Variants in JAM2 observed in about 807,000 individuals in gnomAD.
JAM2 encodes the protein junctional adhesion molecule 2.
In JAM2, 17 loss-of-function variants were observed where a neutral mutation model predicts 42.0. That is an observed-to-expected ratio of 0.40 (90% CI 0.28 to 0.61). The LOEUF (loss-of-function observed/expected upper bound fraction) is 0.61. JAM2 is among the 20% of genes least tolerant of loss of function. The probability of loss-of-function intolerance (pLI) is 0.37; values close to 1 mark genes in which losing one functional copy is unlikely to be tolerated. For missense variants in JAM2, 319 were observed against 358.3 expected (o/e 0.89, Z 0.89); for synonymous variants, 118 against 128.6 (o/e 0.92, Z 0.56).
At chr21:25,654,387 G>A (rs1233728908) in intron 1 of JAM2, among the ~76,000 whole-genome samples, 1 of 152,066 alleles carries the variant, frequency 6.6e-6, no homozygotes, top group Admixed American at 6.6e-5. Context: ...TGTGGCTCAC[G>A]CCTGTAATCC....
chr21:25,712,761 T>C (rs945425284), intron 9 of JAM2, among the ~76,000 whole-genome samples: 8 of 152,192 alleles, frequency 5.3e-5, no homozygotes, highest in African/African-American at 1.9e-4. Flanking sequence ...GGCTCTTTTC[T>C]TCCCTGTAGC....
intron 1 of JAM2, among the ~76,000 whole-genome samples, chr21:25,662,434 G>GC (rs36074931): frequency 1 from 152,256 of 152,264 alleles, 76,124 homozygotes; most frequent in Middle Eastern, 1. Context: ...ACAGGCGTGA[G>GC]CACTGTGACC....
chr21:25,670,511 C>T (rs2033335304), intron 1 of JAM2, among the ~76,000 whole-genome samples: 1 of 151,908 alleles, frequency 6.6e-6, no homozygotes, highest in African/African-American at 2.4e-5. Flanking sequence ...AAAAATTGAC[C>T]TTTATCCAAT....
chr21:25,709,556 T>C, intron 8 of JAM2, 107 bp downstream of exon 8: 1 of 676,782 alleles, frequency 1.5e-6, no homozygotes. Context: ...TGTGTAGGTT[T>C]ACTCTCACAA....
chr21:25,647,187 A>G (rs193074694), intron 1 of JAM2, among the ~76,000 whole-genome samples: 1 of 152,354 alleles, frequency 6.6e-6, no homozygotes, highest in African/African-American at 2.4e-5. Context: ...ATTTTCTTAT[A>G]TGTCTAACTA....
At chr21:25,640,827 T>TCTTTCTTTCTC (rs1568882677) in intron 1 of JAM2, among the ~76,000 whole-genome samples, 5 of 142,106 alleles carry the variant, frequency 3.5e-5, no homozygotes, top group Non-Finnish European at 7.5e-5. Flanking sequence ...CTCTCTCTCT[T>TCTTTCTTTCTC]TCTTTCTGTC....
chr21:25,671,355 C>T (rs1364160361), intron 1 of JAM2, among the ~76,000 whole-genome samples: 1 of 152,128 alleles, frequency 6.6e-6, no homozygotes, highest in African/African-American at 2.4e-5. Flanking sequence ...ATTGCTAAGC[C>T]TTCCCCACCC....
At chr21:25,709,499 T>C in intron 8 of JAM2, 50 bp downstream of exon 8, 1 of 1,238,134 alleles carries the variant, frequency 8.1e-7, no homozygotes, top group Non-Finnish European at 1.2e-6. Context: ...TCAACTAATT[T>C]TCTATTAATC....
At chr21:25,640,163 A>T (rs2032390824) in intron 1 of JAM2, among the ~76,000 whole-genome samples, 1 of 152,218 alleles carries the variant, frequency 6.6e-6, no homozygotes. Context: ...GCAGGTTCTC[A>T]TCTGTTTGCA....
chr21:25,652,529 C>G (rs2032811084), intron 1 of JAM2, among the ~76,000 whole-genome samples: 1 of 151,870 alleles, frequency 6.6e-6, no homozygotes, highest in Non-Finnish European at 1.5e-5. Flanking sequence ...ATCTTAAGGA[C>G]AAAAATAGCT....
intron 1 of JAM2, among the ~76,000 whole-genome samples, chr21:25,659,117 T>G (rs758636267): frequency 3.3e-5 from 5 of 152,232 alleles, no homozygotes; most frequent in Non-Finnish European, 5.9e-5. Context: ...AAAATATTAT[T>G]TAACTAAATG....
chr21:25,712,414 A>G, intron 9 of JAM2, 32 bp downstream of exon 9: 1 of 1,479,866 alleles, frequency 6.8e-7, no homozygotes, highest in Non-Finnish European at 9.4e-7. Context: ...TTATAGAATG[A>G]ATATGTTTGG....
chr21:25,676,004 C>G lies in JAM2; in HGVS notation c.68-7879C>G, dbSNP rs568311898. On this transcript the variant is annotated intron_variant, in intron 1 of 9. Transcript: ENST00000480456. ...TACATTTAAAACAAACAAAAAACTT[C>G]AGGCCGGGTGCAGTGGCTCACGTCT... is the stretch of plus-strand genomic sequence containing the variant. Among the ~76,000 whole-genome samples the G allele has an allele frequency of 2.0e-5, 3 of 152,138 alleles. No homozygotes were observed. The East Asian group carries it at 5.8e-4, about 29-fold the overall frequency.
At chr21:25,711,524 C>T (rs2034383462) in intron 8 of JAM2, 1 of 400,606 alleles carries the variant, frequency 2.5e-6, no homozygotes, top group Non-Finnish European at 4.9e-6. Flanking sequence ...CTGCCATTGA[C>T]TTCCTGTTCC....
chr21:25,676,738 G>A (rs1451710415), intron 1 of JAM2, among the ~76,000 whole-genome samples: 1 of 152,028 alleles, frequency 6.6e-6, no homozygotes, highest in African/African-American at 2.4e-5. Flanking sequence ...ATTTGTTCTG[G>A]AAAAGTGAAG....
intron 2 of JAM2, among the ~76,000 whole-genome samples, chr21:25,686,465 C>T (rs746099730): frequency 5.9e-5 from 9 of 151,774 alleles, no homozygotes; most frequent in Non-Finnish European, 1.2e-4. Flanking sequence ...TGTGTTTCAC[C>T]CTATTTGTTC....
chr21:25,685,590 T>G (rs1215314164), intron 2 of JAM2, among the ~76,000 whole-genome samples: 1 of 151,332 alleles, frequency 6.6e-6, no homozygotes, highest in African/African-American at 2.4e-5. Flanking sequence ...AACAAATTAC[T>G]TAAAAAATTA....
intron 1 of JAM2, among the ~76,000 whole-genome samples, chr21:25,659,254 C>A (rs2033017600): frequency 6.9e-6 from 1 of 144,198 alleles, no homozygotes; most frequent in Non-Finnish European, 1.5e-5. Context: ...ATTTTCTAGC[C>A]TTTTTTTTTT....
chr21:25,654,647 CAAA>C (rs34222589), intron 1 of JAM2, among the ~76,000 whole-genome samples: 7 of 91,570 alleles, frequency 7.6e-5, no homozygotes, highest in African/African-American at 1.7e-4. Context: ...GACTTTCTCT[CAAA>C]AAAAAAAAAA....
Sources: allele counts gnomAD v4.1 joint callset (sites outside exome capture counted in the v4.1 genomes callset), GRCh38; gene constraint gnomAD v4.1.1; transcripts MANE v1.5; gene names NCBI Gene and HGNC (gene_info 2026-07-23, HGNC 2026-07-21).